UBE2E1: variants seen among roughly 807,000 people sequenced by gnomAD.
The protein encoded by UBE2E1 is ubiquitin-conjugating enzyme E2 E1.
A neutral mutation model predicts 21.4 loss-of-function variants in UBE2E1; 6 were observed. The ratio of observed to expected loss-of-function variants is 0.28; its 90% CI spans 0.15 to 0.55. The LOEUF (loss-of-function observed/expected upper bound fraction) is 0.55, where lower values mean the gene tolerates loss of function less well. Among genes scored for constraint, UBE2E1 ranks in the 20% least tolerant of loss-of-function variants. The probability of loss-of-function intolerance (pLI) is 0.93; values close to 1 mark genes in which losing one functional copy is unlikely to be tolerated. For synonymous variants in UBE2E1, 87 were observed against 82.7 expected, an observed-to-expected ratio of 1.05 and a Z score of -0.28; for missense variants, 142 against 236.5, an observed-to-expected ratio of 0.60 and a Z score of 2.62.
intron 3 of UBE2E1, among the ~76,000 whole-genome samples, chr3:23,832,664 G>A (rs551964777): frequency 5.3e-5 from 8 of 152,118 alleles, no homozygotes; most frequent in Non-Finnish European, 8.8e-5. Flanking sequence ...GAAGCCGGGA[G>A]GCGAAGGTTA....
At chr3:23,844,847 A>C (rs1700163804) in intron 3 of UBE2E1, among the ~76,000 whole-genome samples, 1 of 152,154 alleles carries the variant, frequency 6.6e-6, no homozygotes, top group South Asian at 2.1e-4. Context: ...ACTACACTGT[A>C]TTTATTACCG....
In UBE2E1 at chr3:23,845,907, G is replaced by GT. The variant is rs565640922; in HGVS notation, c.203+34401dup. ...AGTTTTCACGTGTCATAAAATACTA[G>GT]TTTTCTTTAGATTTTTTTAATCACT... On this transcript the variant is annotated intron_variant, in intron 3 of 5. Coordinates refer to ENST00000306627, the MANE Select transcript of UBE2E1 (RefSeq NM_003341.5). Among the ~76,000 whole-genome samples, 665 of 152,102 alleles carry GT rather than the reference G, an allele frequency of 4.4e-3. 9 individuals are homozygous for GT. The highest frequency in any genetic ancestry group is 0.015 in the African/African-American group (640 of 41,490).
chr3:23,839,527 T>C (rs1700041336), intron 3 of UBE2E1, among the ~76,000 whole-genome samples: 1 of 152,014 alleles, frequency 6.6e-6, no homozygotes. Context: ...ACACATTTAT[T>C]ACCATTTCTG....
intron 3 of UBE2E1, among the ~76,000 whole-genome samples, chr3:23,826,454 A>G (rs772445595): frequency 2.0e-5 from 3 of 152,236 alleles, no homozygotes; most frequent in African/African-American, 2.4e-5. Flanking sequence ...GGAAGCATCA[A>G]GAGTTTGGCT....
chr3:23,860,110 T>C (rs974099430), intron 3 of UBE2E1, among the ~76,000 whole-genome samples: 3 of 152,216 alleles, frequency 2.0e-5, no homozygotes, highest in Admixed American at 1.3e-4. Context: ...ATCATTTTGC[T>C]CTACCAGACT....
At chr3:23,813,292 A>C (rs895223357) in intron 3 of UBE2E1, among the ~76,000 whole-genome samples, 1 of 152,178 alleles carries the variant, frequency 6.6e-6, no homozygotes, top group Admixed American at 6.5e-5. Flanking sequence ...TGTATATTAC[A>C]TTGTCTTTTA....
intron 3 of UBE2E1, among the ~76,000 whole-genome samples, chr3:23,830,692 C>T (rs1202829631): frequency 6.6e-6 from 1 of 152,112 alleles, no homozygotes; most frequent in African/African-American, 2.4e-5. Context: ...GGAAACTGTC[C>T]CTGTTTAAGA....
intron 3 of UBE2E1, among the ~76,000 whole-genome samples, chr3:23,826,613 G>T (rs1385921010): frequency 1.3e-5 from 2 of 152,190 alleles, no homozygotes; most frequent in African/African-American, 4.8e-5. Context: ...ATATCTAAAA[G>T]ATTTATCTCT....
intron 3 of UBE2E1, among the ~76,000 whole-genome samples, chr3:23,828,973 T>G (rs1057710): frequency 0.22 from 33,401 of 151,820 alleles, 3,715 homozygotes; most frequent in Non-Finnish European, 0.24. Flanking sequence ...AAGGAGAGAT[T>G]AGCAAATTTG....
intron 3 of UBE2E1, among the ~76,000 whole-genome samples, chr3:23,864,837 C>T (rs930275522): frequency 2.0e-5 from 3 of 152,312 alleles, no homozygotes; most frequent in South Asian, 4.1e-4. Flanking sequence ...GGGCGAAGGC[C>T]GGCCTGTGTT....
chr3:23,871,032 T>G (rs993207608), intron 3 of UBE2E1, among the ~76,000 whole-genome samples: 49 of 152,312 alleles, frequency 3.2e-4, no homozygotes, highest in African/African-American at 1.0e-3. Context: ...GGCAGAAGAA[T>G]TTTTCTTAGT....
At position 23,887,563 on chromosome 3, in the gene UBE2E1, A is replaced by G; in HGVS notation, c.204-4A>G. Reference sequence around the variant, plus strand: ...CTGCTTATTTGTTGACGTATTATTCACAGTGCTGGTCCCAAAGGCGATAAC... The same window carrying G: ...CTGCTTATTTGTTGACGTATTATTCGCAGTGCTGGTCCCAAAGGCGATAAC... On this transcript the variant is annotated splice_region_variant and splice_polypyrimidine_tract_variant and intron_variant, in intron 3 of 5. Transcript: ENST00000306627. The surrounding 1 kb of genome is among the most constrained non-coding windows in gnomAD (Gnocchi z 4.4). The G allele has an allele frequency of 6.2e-7, 1 of 1,603,242 alleles. No individual in the cohort carries two copies. Among genetic ancestry groups the G allele is most frequent in the South Asian group, 1.1e-5 (1 of 88,722 alleles).
Position 23,806,573 on chromosome 3 carries a change from AC to A in UBE2E1, c.-34+490del, listed in dbSNP as rs1319321346. On this transcript the variant is annotated intron_variant, in intron 1 of 5. Transcript: ENST00000306627. This position sits in a 1 kb window ranked among gnomAD's most constrained non-coding sequence, Gnocchi z 6.5. ...AGTGGCGATCGGGCGTGTGCTCCGG[AC>A]CCCCGCCCGGCCGCATAGCTGTGAG... 6.9e-6 allele frequency among the ~76,000 whole-genome samples: 1 copy of A among 144,490 alleles called. No individual in the cohort carries two copies. Among genetic ancestry groups the A allele is most frequent in the Admixed American group, 6.8e-5 (1 of 14,760 alleles). The allele number at this position is 144,490 out of a possible 152,430, so 94.8% of individuals were successfully genotyped here. A position where few individuals can be genotyped will look rare whatever the true frequency, so the allele number is the denominator to read the frequency against.
chr3:23,891,097 AGAGAT>A lies in UBE2E1; in HGVS notation c.*495_*499del, dbSNP rs1421821228. 8 of 152,898 alleles carry A rather than the reference AGAGAT, an allele frequency of 5.2e-5. No individual in the cohort carries two copies. Among genetic ancestry groups the A allele is most frequent in the African/African-American group, 1.9e-4 (8 of 41,596 alleles). The allele number at this position is 152,898 out of a possible 1,614,324, so 9.5% of individuals were successfully genotyped here. A position where few individuals can be genotyped will look rare whatever the true frequency, so the allele number is the denominator to read the frequency against. ...ACACGTGGCTATAAAACACCATATA[AGAGAT>A]GAGTAGTGCGTTTTATTTTATATGC... is the stretch of plus-strand genomic sequence containing the variant. On this transcript the variant is annotated 3_prime_UTR_variant, in exon 6 of 6. Transcript: ENST00000306627.
At position 23,863,952 on chromosome 3, in the gene UBE2E1, G is replaced by A. The variant is rs1700604118; in HGVS notation, c.204-23615G>A. Among the ~76,000 whole-genome samples the A allele has an allele frequency of 1.3e-5, 2 of 152,098 alleles. No homozygotes were observed. The highest frequency in any genetic ancestry group is 2.9e-5 in the Non-Finnish European group (2 of 68,018). On this transcript the variant is annotated intron_variant, in intron 3 of 5. Coordinates refer to ENST00000306627, the MANE Select transcript of UBE2E1 (RefSeq NM_003341.5). This position sits in a 1 kb window ranked among gnomAD's most constrained non-coding sequence, Gnocchi z 4.3. ...CGGATTCTCGTGTCACTGTCTTTTG[G>A]GGAATTCTCTTTACTATTCTACATA... is the stretch of plus-strand genomic sequence containing the variant.
chr3:23,880,016 G>A (rs1701003317), intron 3 of UBE2E1, among the ~76,000 whole-genome samples: 1 of 152,232 alleles, frequency 6.6e-6, no homozygotes, highest in African/African-American at 2.4e-5. Flanking sequence ...GGAGGCCCAG[G>A]TGGGAGGATC....
intron 3 of UBE2E1, among the ~76,000 whole-genome samples, chr3:23,858,933 C>A (rs185283242): frequency 4.1e-4 from 63 of 152,316 alleles, no homozygotes; most frequent in Admixed American, 6.5e-4. Context: ...TCGTCTTTAA[C>A]AATTTACCTC....
Position 23,810,600 on chromosome 3 carries a change from C to T in UBE2E1, c.153-860C>T. 7.1e-7 allele frequency: 1 copy of T among 1,417,814 alleles called. No individual in the cohort carries two copies. The highest frequency in any genetic ancestry group is 9.4e-7 in the Non-Finnish European group (1 of 1,064,194). 87.8% of individuals were successfully genotyped at this position (1,417,814 alleles called of 1,614,324 possible). ...GCAGGGTCCGGTGCACCTGTGCGGC[C>T]GCGGGCCGGCCACTTGGGGTCTGTG... On this transcript the variant is annotated intron_variant, in intron 2 of 5. Transcript: ENST00000306627. This position sits in a 1 kb window ranked among gnomAD's most constrained non-coding sequence, Gnocchi z 5.8.
chr3:23,883,752 C>T (rs1354763271), intron 3 of UBE2E1, among the ~76,000 whole-genome samples: 1 of 151,936 alleles, frequency 6.6e-6, no homozygotes, highest in Non-Finnish European at 1.5e-5. Flanking sequence ...CCCAGCTCTA[C>T]TAAAAATACA....
Sources: allele counts gnomAD v4.1 joint callset (sites outside exome capture counted in the v4.1 genomes callset), GRCh38; gene constraint gnomAD v4.1.1; non-coding constraint Gnocchi (gnomAD v3.1); transcripts MANE v1.5; gene names NCBI Gene and HGNC (gene_info 2026-07-23, HGNC 2026-07-21).